The following EMX1 variants were observed in gnomAD, a reference collection of about 807,000 sequenced individuals.
EMX1 encodes the protein homeobox protein EMX1.
Under a neutral mutation model 20.1 loss-of-function variants are expected in EMX1, and 10 were observed. The ratio of observed to expected loss-of-function variants is 0.50; its 90% CI spans 0.31 to 0.84. The LOEUF (loss-of-function observed/expected upper bound fraction) is 0.84, where lower values mean the gene tolerates loss of function less well. Ranked by LOEUF, EMX1 falls within the 40% of genes least tolerant of loss-of-function variation. The pLI is 0.05. For synonymous variants in EMX1, 250 were observed against 200.4 expected (o/e 1.25, Z -2.09); for missense variants, 424 against 431.9 (o/e 0.98, Z 0.16).
upstream of EMX1, chr2:72,917,359 A>G (rs1357545614): frequency 5.9e-6 from 2 of 341,256 alleles, no homozygotes; most frequent in South Asian, 7.2e-5. Context: ...TGGCGAGGGG[A>G]GGAGGAGGCC....
At chr2:72,933,153 G>C (rs1035032435) in intron 2 of EMX1, 1 of 152,344 alleles carries the variant, frequency 6.6e-6, no homozygotes, top group Non-Finnish European at 1.5e-5. Flanking sequence ...AGACCACACA[G>C]TGTGTGAGGT....
At chr2:72,919,046 C>G (rs971602017) in intron 1 of EMX1, among the ~76,000 whole-genome samples, 2 of 152,218 alleles carry the variant, frequency 1.3e-5, no homozygotes, top group Non-Finnish European at 2.9e-5. Flanking sequence ...GGGAGCCCAC[C>G]CGGCTGCTGG....
chr2:72,926,556 C>A (rs1308450955), intron 2 of EMX1, among the ~76,000 whole-genome samples: 1 of 152,214 alleles, frequency 6.6e-6, no homozygotes, highest in Non-Finnish European at 1.5e-5. Context: ...TTGGACAGAG[C>A]TTCCCAGGTG....
In EMX1 at chr2:72,918,139, T is replaced by G. The variant is rs1156512254; in HGVS notation, c.287T>G (p.Val96Gly). The G allele has an allele frequency of 6.7e-7, 1 of 1,496,414 alleles. No individual in the cohort carries two copies. Among genetic ancestry groups the G allele is most frequent in the South Asian group, 1.3e-5 (1 of 78,862 alleles). 92.7% of individuals were successfully genotyped at this position (1,496,414 alleles called of 1,614,324 possible). ...PHPSAAEAAFVSGFPAAAAAG... is the reference protein window; with the variant it reads ...PHPSAAEAAFGSGFPAAAAAG... The stretch of plus-strand genomic sequence containing the variant: ...CCCAGCGCGGCCGAGGCGGCCTTCG[T>G]GAGTGGCTTCCCTGCCGCGGCCGCC... Residue 96 changes from valine to glycine, a missense_variant, in exon 1 of 3, where the codon GTG becomes GGG. Val to Gly is a moderately radical substitution (Grantham distance 109, BLOSUM62 -3). This residue lies in a region of EMX1 where 333 missense variants were observed against 296.6 expected (regional missense o/e 1.12). Coordinates refer to ENST00000258106, the MANE Select transcript of EMX1 (RefSeq NM_004097.3).
At chr2:72,928,266 A>G (rs762790231) in intron 2 of EMX1, among the ~76,000 whole-genome samples, 1 of 152,126 alleles carries the variant, frequency 6.6e-6, no homozygotes, top group Non-Finnish European at 1.5e-5. Flanking sequence ...TACCAGTCTA[A>G]GCTTCAGTCC....
chr2:72,921,981 C>CA (rs1671111609), intron 1 of EMX1, among the ~76,000 whole-genome samples: 1 of 152,208 alleles, frequency 6.6e-6, no homozygotes, highest in African/African-American at 2.4e-5. Context: ...ATCACTAAGT[C>CA]AGAGACACTG....
chr2:72,923,922 G>A (rs1671145649), intron 1 of EMX1: 2 of 319,236 alleles, frequency 6.3e-6, no homozygotes, highest in South Asian at 3.7e-5. Flanking sequence ...CAGCGCCCCT[G>A]GGAAAGGGCG....
At chr2:72,933,527 G>T in intron 2 of EMX1, 1 of 504,702 alleles carries the variant, frequency 2.0e-6, no homozygotes, top group East Asian at 3.4e-5. Context: ...CAGCAGCTCT[G>T]TGACCCTTTG....
chr2:72,921,931 C>G (rs1389191271), intron 1 of EMX1, among the ~76,000 whole-genome samples: 1 of 152,346 alleles, frequency 6.6e-6, no homozygotes, highest in South Asian at 2.1e-4. Context: ...GAGCACTCCA[C>G]CACACAGGTG....
chr2:72,917,056 C>G, upstream of EMX1: 1 of 660,932 alleles, frequency 1.5e-6, no homozygotes, highest in Non-Finnish European at 2.8e-6. Flanking sequence ...CCCAGGAGGC[C>G]GATGGTGGGT....
chr2:72,927,152 T>C (rs577004350), intron 2 of EMX1, among the ~76,000 whole-genome samples: 2 of 152,392 alleles, frequency 1.3e-5, no homozygotes, highest in South Asian at 4.1e-4. Flanking sequence ...CTATTAGTTA[T>C]ATGTTCTTCC....
chr2:72,927,988 C>T (rs765993315), intron 2 of EMX1, among the ~76,000 whole-genome samples: 6 of 152,220 alleles, frequency 3.9e-5, no homozygotes, highest in African/African-American at 7.2e-5. Context: ...TAAAACTTCT[C>T]GGAGGGTTAC....
chr2:72,925,516 C>CA (rs767493607), intron 2 of EMX1: 261 of 1,288,684 alleles, frequency 2.0e-4, no homozygotes, highest in Admixed American at 2.5e-4. Context: ...CTCTGCGTGC[C>CA]GGCCGGCTCC....
intron 2 of EMX1, chr2:72,933,153 G>A (rs1035032435): frequency 2.6e-5 from 4 of 152,344 alleles, no homozygotes; most frequent in African/African-American, 7.2e-5. Flanking sequence ...AGACCACACA[G>A]TGTGTGAGGT....
chr2:72,917,745 C>A lies in EMX1; in HGVS notation c.-108C>A. 1 of 1,082,808 alleles carries A rather than the reference C, an allele frequency of 9.2e-7. No homozygotes were observed. Among genetic ancestry groups the A allele is most frequent in the African/African-American group, 1.6e-5 (1 of 60,750 alleles). The allele number at this position is 1,082,808 out of a possible 1,614,324, so 67.1% of individuals were successfully genotyped here. A position where few individuals can be genotyped will look rare whatever the true frequency, so the allele number is the denominator to read the frequency against. The stretch of plus-strand genomic sequence containing the variant: ...GCCTGGCCGTACGCTGTGGCCGGAC[C>A]CCGCGGTCGCTCGCTCACACACCCC... On this transcript the variant is annotated 5_prime_UTR_variant, in exon 1 of 3. Coordinates refer to ENST00000258106, the MANE Select transcript of EMX1 (RefSeq NM_004097.3).
In EMX1 at chr2:72,922,227, A is replaced by G. The variant is rs549311037; in HGVS notation, c.521-2082A>G. On this transcript the variant is annotated intron_variant, in intron 1 of 2. Coordinates refer to ENST00000258106, the MANE Select transcript of EMX1 (RefSeq NM_004097.3). ...TGGGACTTCACCCAGGTTCATAACA[A>G]TGTTGTTTTTTGAAGCAAGTTATTA... Among the ~76,000 whole-genome samples the G allele has an allele frequency of 5.9e-5, 9 of 152,304 alleles. No individual in the cohort carries two copies. The South Asian group carries it at 1.9e-3, about 32-fold the overall frequency.
chr2:72,916,794 G>A (rs777567866), upstream of EMX1: 8 of 717,250 alleles, frequency 1.1e-5, no homozygotes, highest in Non-Finnish European at 1.8e-5. Flanking sequence ...GAAGGCGAGG[G>A]GGTGGATCTC....
chr2:72,916,327 A>T, upstream of EMX1: 1 of 296,788 alleles, frequency 3.4e-6, no homozygotes, highest in Non-Finnish European at 6.4e-6. Flanking sequence ...CTGCGCGCCC[A>T]GGCAGCGCTC....
intron 2 of EMX1, among the ~76,000 whole-genome samples, chr2:72,928,938 G>A (rs1030456603): frequency 2.0e-5 from 3 of 152,072 alleles, no homozygotes; most frequent in African/African-American, 7.2e-5. Flanking sequence ...TGAAGATAGA[G>A]CCACCATCTT....
Sources: gnomAD v4.1 joint callset for allele counts (sites outside exome capture counted in the v4.1 genomes callset) on GRCh38, gnomAD v4.1.1 for gene constraint, gnomAD v4.1.1 regional missense constraint, MANE v1.5 for transcripts, NCBI Gene and HGNC (gene_info 2026-07-23, HGNC 2026-07-21) for gene names.